Variants in MINAR2 observed in about 807,000 individuals in gnomAD.
MINAR2 encodes major intrinsically disordered NOTCH2-binding receptor 1-like.
A neutral mutation model predicts 16.1 loss-of-function variants in MINAR2; 21 were observed. That is an observed-to-expected ratio of 1.31 (90% CI 0.93 to 1.88). The LOEUF (loss-of-function observed/expected upper bound fraction) is 1.88, where lower values mean the gene tolerates loss of function less well. Among genes scored for constraint, MINAR2 ranks in the 40% most tolerant of loss-of-function variants. MINAR2 has a pLI of 0.00. For synonymous variants in MINAR2, 86 were observed against 83.0 expected, an observed-to-expected ratio of 1.04 and a Z score of -0.20; for missense variants, 259 against 229.8, an observed-to-expected ratio of 1.13 and a Z score of -0.82.
chr5:129,761,601 T>C (rs1758136574), intron 2 of MINAR2, among the ~76,000 whole-genome samples: 1 of 152,204 alleles, frequency 6.6e-6, no homozygotes, highest in African/African-American at 2.4e-5. Flanking sequence ...CAGAGAAGTT[T>C]ACATAACAGA....
intron 2 of MINAR2, chr5:129,762,632 A>G (rs1267358459): frequency 6.6e-6 from 2 of 304,170 alleles, no homozygotes; most frequent in South Asian, 4.3e-5. Flanking sequence ...TGATAATCCC[A>G]TGTTATTACT....
At chr5:129,763,874 C>T (rs558128843) in intron 2 of MINAR2, among the ~76,000 whole-genome samples, 1 of 152,256 alleles carries the variant, frequency 6.6e-6, no homozygotes, top group South Asian at 2.1e-4. Flanking sequence ...CTTGCTGTGC[C>T]ACATTTCAGC....
In MINAR2 at chr5:129,764,911, T is replaced by C. The variant is rs1312576359; in HGVS notation, c.421T>C (p.Leu141=). ...KENPNDLRFW[L]GDMYTPGFDT... ...AAATCCTAATGACCTGCGGTTTTGG[T>C]TGGGAGACATGTACACTCCAGGTTT... The change falls in exon 3 of 3, where the codon TTG becomes CTG. Residue 141 remains leucine, a synonymous_variant. Coordinates refer to ENST00000564719, the MANE Select transcript of MINAR2 (RefSeq NM_001257308.2). 4 of 1,334,714 alleles carry C rather than the reference T, an allele frequency of 3.0e-6. No homozygotes were observed. The highest frequency in any genetic ancestry group is 3.8e-6 in the Non-Finnish European group (4 of 1,042,446). 82.7% of individuals were successfully genotyped at this position (1,334,714 alleles called of 1,614,324 possible).
intron 1 of MINAR2, among the ~76,000 whole-genome samples, chr5:129,753,538 G>A: frequency 6.7e-6 from 1 of 149,824 alleles, no homozygotes; most frequent in Non-Finnish European, 1.5e-5. Flanking sequence ...TGGATCAGCA[G>A]GTCAGGAGTT....
At chr5:129,756,086 A>T (rs1424076353) in intron 1 of MINAR2, among the ~76,000 whole-genome samples, 1 of 152,036 alleles carries the variant, frequency 6.6e-6, no homozygotes, top group Admixed American at 6.6e-5. Context: ...AAATGTCAGC[A>T]GAATGTTTTA....
rs2149547444 is a variant in MINAR2 at position 129,764,917 on chromosome 5, G to A, written c.427G>A (p.Asp143Asn). 1 of 1,348,570 alleles carries A rather than the reference G, an allele frequency of 7.4e-7. No individual in the cohort carries two copies. Among genetic ancestry groups the A allele is most frequent in the Non-Finnish European group, 9.5e-7 (1 of 1,051,156 alleles). The allele number at this position is 1,348,570 out of a possible 1,614,324, so 83.5% of individuals were successfully genotyped here. ...TAATGACCTGCGGTTTTGGTTGGGA[G>A]ACATGTACACTCCAGGTTTTGACAC... ...NPNDLRFWLGDMYTPGFDTLL... is the reference protein window; with the variant it reads ...NPNDLRFWLGNMYTPGFDTLL... The change falls in exon 3 of 3, where the codon GAC becomes AAC. Residue 143 changes from aspartate to asparagine, a missense_variant. Transcript: ENST00000564719.
intron 2 of MINAR2, among the ~76,000 whole-genome samples, chr5:129,761,606 A>G (rs558173747): frequency 6.6e-6 from 1 of 152,154 alleles, no homozygotes; most frequent in Non-Finnish European, 1.5e-5. Context: ...AAGTTTACAT[A>G]ACAGATGCTC....
At position 129,748,297 on chromosome 5, in the gene MINAR2, G is replaced by C. The variant is rs777718991; in HGVS notation, c.107G>C (p.Arg36Thr). The change falls in exon 1 of 3, where the codon AGG becomes ACG. Residue 36 changes from arginine to threonine, a missense_variant. By Grantham distance (71) the Arg-to-Thr change is moderately conservative. Transcript: ENST00000564719. ...SSALLQASLV[R>T]FPGGNYPAAQ... The stretch of plus-strand genomic sequence containing the variant: ...GCCCTCCTTCAGGCCAGCCTGGTGA[G>C]GTTTCCGGGTGGAAATTATCCTGCT... 5 of 1,535,214 alleles carry C rather than the reference G, an allele frequency of 3.3e-6. No individual in the cohort carries two copies. In the South Asian group the frequency reaches 4.8e-5, roughly 15 times the overall value.
Position 129,758,847 on chromosome 5 carries a change from A to T in MINAR2, c.166-1531A>T, listed in dbSNP as rs1487209870. On this transcript the variant is annotated intron_variant, in intron 1 of 2. Transcript: ENST00000564719. ...AGAAACATTACTTTTGAAGCAGTCTATCTTTGAGATAAATGCTAAGCCAAG... is the reference window on the plus strand; with the variant it reads ...AGAAACATTACTTTTGAAGCAGTCTTTCTTTGAGATAAATGCTAAGCCAAG... Among the ~76,000 whole-genome samples the T allele has an allele frequency of 4.6e-5, 7 of 152,076 alleles. 1 individual carries two copies. The highest frequency in any genetic ancestry group is 4.6e-4 in the Admixed American group (7 of 15,250).
chr5:129,762,860 A>G (rs1400951163), intron 2 of MINAR2, among the ~76,000 whole-genome samples: 1 of 152,202 alleles, frequency 6.6e-6, no homozygotes, highest in East Asian at 1.9e-4. Context: ...TGAAGGATGT[A>G]TAGAATTCCC....
At chr5:129,761,522 C>A (rs1758135405) in intron 2 of MINAR2, among the ~76,000 whole-genome samples, 1 of 152,114 alleles carries the variant, frequency 6.6e-6, no homozygotes, top group Non-Finnish European at 1.5e-5. Flanking sequence ...ATCCACTGTC[C>A]AGAATCTTTG....
At chr5:129,756,579 G>A (rs1446591067) in intron 1 of MINAR2, among the ~76,000 whole-genome samples, 1 of 151,902 alleles carries the variant, frequency 6.6e-6, no homozygotes, top group Non-Finnish European at 1.5e-5. Context: ...ACGATGTTTG[G>A]TTTTCCATTC....
intron 1 of MINAR2, among the ~76,000 whole-genome samples, chr5:129,756,169 T>C (rs1341001006): frequency 6.6e-6 from 1 of 152,094 alleles, no homozygotes; most frequent in Non-Finnish European, 1.5e-5. Flanking sequence ...GTCCAAGTGA[T>C]TTTGAGTCTT....
Position 129,758,654 on chromosome 5 carries a change from A to G in MINAR2, c.166-1724A>G, listed in dbSNP as rs1006395912. ...TCTTTCTTATTTAAGAAACTTGGCC[A>G]ACAGTGTAGAAGACAATCTGACAAA... On this transcript the variant is annotated intron_variant, in intron 1 of 2. Transcript: ENST00000564719. 2.0e-5 allele frequency among the ~76,000 whole-genome samples: 3 copies of G among 152,092 alleles called. No individual in the cohort carries two copies. The East Asian group carries it at 5.8e-4, about 29-fold the overall frequency.
intron 1 of MINAR2, among the ~76,000 whole-genome samples, chr5:129,753,753 AAG>A (rs150136899): frequency 2.9e-4 from 43 of 148,624 alleles, no homozygotes; most frequent in Admixed American, 4.7e-4. Context: ...ACTCCGTTGA[AAG>A]AGAGAGAGAG....
intron 1 of MINAR2, among the ~76,000 whole-genome samples, chr5:129,758,976 C>G (rs887876411): frequency 6.8e-5 from 10 of 146,866 alleles, no homozygotes; most frequent in Middle Eastern, 7.3e-3. Flanking sequence ...AAGTTGAGCT[C>G]TAAGTATGTG....
At position 129,760,487 on chromosome 5, in the gene MINAR2, C is replaced by T; in HGVS notation, c.275C>T (p.Pro92Leu). Residue 92 changes from proline (P) to leucine (L), a missense_variant, in exon 2 of 3, where the codon CCA becomes CTA. Transcript: ENST00000564719. ...PSMSSVMKNN[P>L]LYGDLSLEEA... is the part of the protein sequence containing the mutation. ...ATGTCATCAGTTATGAAGAATAACC[C>T]ACTCTATGGTGACCTAAGTTTGGAG... 1 of 1,535,736 alleles carries T rather than the reference C, an allele frequency of 6.5e-7. No homozygotes were observed. Among genetic ancestry groups the T allele is most frequent in the Non-Finnish European group, 8.7e-7 (1 of 1,146,586 alleles).
chr5:129,760,270 T>C (rs1331306713), intron 1 of MINAR2, 108 bp from the exon 2 acceptor site: 14 of 789,054 alleles, frequency 1.8e-5, no homozygotes, highest in Non-Finnish European at 2.9e-5. Flanking sequence ...TCCTAATCTG[T>C]TGTGTTTCTG....
In MINAR2 at chr5:129,765,222, T is replaced by A. The variant is rs1037023926; in HGVS notation, c.*159T>A. 2 of 437,680 alleles carry A rather than the reference T, an allele frequency of 4.6e-6. No individual in the cohort carries two copies. The highest frequency in any genetic ancestry group is 4.1e-5 in the African/African-American group (2 of 49,308). The allele number at this position is 437,680 out of a possible 1,614,324, so 27.1% of individuals were successfully genotyped here. A position where few individuals can be genotyped will look rare whatever the true frequency, so the allele number is the denominator to read the frequency against. On this transcript the variant is annotated 3_prime_UTR_variant, in exon 3 of 3. Transcript: ENST00000564719. ...ATGTAATTGTCCTGAAGAATGTGAA[T>A]GTCAGGCGTGGTATGCTGGCTTCTC...
Sources: allele counts gnomAD v4.1 joint callset (sites outside exome capture counted in the v4.1 genomes callset), GRCh38; gene constraint gnomAD v4.1.1; transcripts MANE v1.5; gene names NCBI Gene and HGNC (gene_info 2026-07-23, HGNC 2026-07-21).